The following ST6GALNAC3 variants were observed in gnomAD, a reference collection of about 807,000 sequenced individuals.
The protein encoded by ST6GALNAC3 is alpha-N-acetylgalactosaminide alpha-2,6-sialyltransferase 3.
A neutral mutation model predicts 32.7 loss-of-function variants in ST6GALNAC3; 25 were observed. The ratio of observed to expected loss-of-function variants is 0.76; its 90% confidence interval spans 0.56 to 1.07. The LOEUF is 1.07. Ranked by LOEUF, ST6GALNAC3 falls within the 50% of genes least tolerant of loss-of-function variation. The pLI is 0.00. For synonymous variants in ST6GALNAC3, 129 were observed against 133.1 expected (o/e 0.97, Z 0.21); for missense variants, 355 against 382.4 (o/e 0.93, Z 0.60).
rs568305078 is a variant in ST6GALNAC3 at position 76,211,122 on chromosome 1, G to C, written c.19-102683G>C. ...TTACTTCTTTAAAGTCCCTATCTCC[G>C]AAGGATATGAACAGACACTTCTCAA... On this transcript the variant is annotated intron_variant, in intron 1 of 4. Transcript: ENST00000328299. Among the ~76,000 whole-genome samples the C allele has an allele frequency of 3.3e-5, 5 of 152,098 alleles. 1 individual carries two copies. The highest frequency in any genetic ancestry group is 7.4e-5 in the Non-Finnish European group (5 of 68,024).
rs184102475 is a variant in ST6GALNAC3, at chr1:76,312,969, T to G, written c.19-836T>G. 2.5e-3 allele frequency among the ~76,000 whole-genome samples: 379 copies of G among 152,326 alleles called. 2 individuals are homozygous for G. The highest frequency in any genetic ancestry group is 8.4e-3 in the African/African-American group (349 of 41,588). Reference sequence around the variant, plus strand: ...TTCAAAGACATCTTTGCTTTCTCTCTTCTCAATCGGATGCAGTTGTTCCTG... The same window carrying G: ...TTCAAAGACATCTTTGCTTTCTCTCGTCTCAATCGGATGCAGTTGTTCCTG... On this transcript the variant is annotated intron_variant, in intron 1 of 4. Transcript: ENST00000328299.
At position 76,396,272 on chromosome 1, in the gene ST6GALNAC3, C is replaced by T. The variant is rs185817735; in HGVS notation, c.214-15736C>T. 3.9e-3 allele frequency among the ~76,000 whole-genome samples: 597 copies of T among 152,202 alleles called. 2 individuals carry two copies. The highest frequency in any genetic ancestry group is 0.014 in the African/African-American group (584 of 41,544). On this transcript the variant is annotated intron_variant, in intron 2 of 4. Transcript: ENST00000328299. ...ATGAGTCCAGGAGTTCGAGACCAGC[C>T]TGGGCAACATGGCAAAACCTTGTCT...
At chr1:76,102,409 C>T (rs531667798) in intron 1 of ST6GALNAC3, among the ~76,000 whole-genome samples, 7 of 152,018 alleles carry the variant, frequency 4.6e-5, no homozygotes, top group Non-Finnish European at 7.4e-5. Context: ...TAATAATACA[C>T]GGGTGGGTTG....
intron 1 of ST6GALNAC3, among the ~76,000 whole-genome samples, chr1:76,306,447 G>A (rs565321577): frequency 6.6e-6 from 1 of 152,096 alleles, no homozygotes; most frequent in Admixed American, 6.6e-5. Flanking sequence ...GTAATAGGAC[G>A]CCTTCAACAT....
intron 3 of ST6GALNAC3, among the ~76,000 whole-genome samples, chr1:76,581,735 A>T (rs1180698694): frequency 8.0e-6 from 1 of 125,318 alleles, no homozygotes; most frequent in African/African-American, 3.8e-5. Context: ...ATATGTACAT[A>T]TGTTACCATC....
chr1:76,084,307 A>G (rs1646936960), intron 1 of ST6GALNAC3, among the ~76,000 whole-genome samples: 1 of 152,162 alleles, frequency 6.6e-6, no homozygotes, highest in South Asian at 2.1e-4. Flanking sequence ...GAGCCCTTGA[A>G]ATTTTATCTG....
intron 3 of ST6GALNAC3, among the ~76,000 whole-genome samples, chr1:76,540,577 A>T (rs1210189263): frequency 6.6e-6 from 1 of 152,174 alleles, no homozygotes; most frequent in African/African-American, 2.4e-5. Flanking sequence ...AATGGGCTAT[A>T]TTCTAATAAT....
At chr1:76,237,695 A>G (rs1656735367) in intron 1 of ST6GALNAC3, among the ~76,000 whole-genome samples, 1 of 152,180 alleles carries the variant, frequency 6.6e-6, no homozygotes, top group Non-Finnish European at 1.5e-5. Flanking sequence ...AGTTATTTAT[A>G]GGATGTTTAA....
chr1:76,433,255 T>A (rs1005523343), intron 3 of ST6GALNAC3, among the ~76,000 whole-genome samples: 5 of 152,198 alleles, frequency 3.3e-5, no homozygotes, highest in African/African-American at 1.2e-4. Flanking sequence ...GTTCCTGTTT[T>A]GATTTCATTT....
intron 3 of ST6GALNAC3, among the ~76,000 whole-genome samples, chr1:76,575,788 T>C (rs1197297637): frequency 2.0e-5 from 3 of 152,060 alleles, no homozygotes; most frequent in African/African-American, 7.2e-5. Flanking sequence ...TAGTGGACTT[T>C]ATGGTAGAGA....
intron 3 of ST6GALNAC3, among the ~76,000 whole-genome samples, chr1:76,449,541 G>A (rs185690367): frequency 2.0e-5 from 3 of 152,332 alleles, no homozygotes; most frequent in South Asian, 2.1e-4. Flanking sequence ...ATGAATGAGA[G>A]TTCCTCATGC....
chr1:76,500,363 ATGC>A (rs1661107110), intron 3 of ST6GALNAC3, among the ~76,000 whole-genome samples: 1 of 152,154 alleles, frequency 6.6e-6, no homozygotes, highest in African/African-American at 2.4e-5. Context: ...CCCACATATG[ATGC>A]TATCACTGGC....
intron 1 of ST6GALNAC3, among the ~76,000 whole-genome samples, chr1:76,173,586 T>C (rs1478465731): frequency 6.6e-6 from 1 of 152,216 alleles, no homozygotes; most frequent in Non-Finnish European, 1.5e-5. Context: ...AGTTTACCCA[T>C]CTGACAAAGG....
chr1:76,391,635 CATA>C (rs1309589594), intron 2 of ST6GALNAC3, among the ~76,000 whole-genome samples: 1 of 147,620 alleles, frequency 6.8e-6, no homozygotes, highest in Non-Finnish European at 1.5e-5. Flanking sequence ...TCCTATAGCA[CATA>C]ACATTGGAAT....
chr1:76,431,492 TTCTG>T (rs1217328093), intron 3 of ST6GALNAC3, among the ~76,000 whole-genome samples: 4 of 152,224 alleles, frequency 2.6e-5, no homozygotes, highest in African/African-American at 9.6e-5. Context: ...CAAATTATCA[TTCTG>T]TCTTTCTTTC....
chr1:76,515,708 T>C (rs2101771362), intron 3 of ST6GALNAC3, among the ~76,000 whole-genome samples: 1 of 152,316 alleles, frequency 6.6e-6, no homozygotes, highest in South Asian at 2.1e-4. Flanking sequence ...TCCATGTATT[T>C]GTAAGATTTC....
chr1:76,557,329 C>G (rs908903026), intron 3 of ST6GALNAC3, among the ~76,000 whole-genome samples: 1 of 151,964 alleles, frequency 6.6e-6, no homozygotes, highest in African/African-American at 2.4e-5. Context: ...ACTTTTTTAT[C>G]CTTTCATAGG....
chr1:76,322,674 A>G (rs566797630), intron 2 of ST6GALNAC3, among the ~76,000 whole-genome samples: 1 of 152,334 alleles, frequency 6.6e-6, no homozygotes, highest in African/African-American at 2.4e-5. Flanking sequence ...TTCACAAAAG[A>G]AAGATAGCCA....
chr1:76,078,970 C>T (rs1215775474), intron 1 of ST6GALNAC3, among the ~76,000 whole-genome samples: 3 of 152,064 alleles, frequency 2.0e-5, no homozygotes, highest in Non-Finnish European at 4.4e-5. Context: ...TTAGTAGAGA[C>T]GGGGTTTCAC....
Sources: allele counts gnomAD v4.1 joint callset (sites outside exome capture counted in the v4.1 genomes callset), GRCh38; gene constraint gnomAD v4.1.1; transcripts MANE v1.5; gene names NCBI Gene and HGNC (gene_info 2026-07-23, HGNC 2026-07-21).